Variants in MAP3K2 observed in about 807,000 individuals in gnomAD.
MAP3K2 encodes the protein MAP/ERK kinase kinase 2.
In MAP3K2, 24 loss-of-function variants were observed where a neutral mutation model predicts 80.3. That is an observed-to-expected ratio of 0.30 (90% CI 0.22 to 0.42). The LOEUF (loss-of-function observed/expected upper bound fraction) is 0.42, where lower values mean the gene tolerates loss of function less well. Ranked by LOEUF, MAP3K2 falls within the 10% of genes least tolerant of loss-of-function variation. The pLI is 1.00. For missense variants in MAP3K2, 608 were observed against 750.1 expected, an observed-to-expected ratio of 0.81 and a Z score of 2.21; for synonymous variants, 244 against 253.7, an observed-to-expected ratio of 0.96 and a Z score of 0.36.
At chr2:127,340,944 T>C (rs1176691423) in intron 2 of MAP3K2, among the ~76,000 whole-genome samples, 2 of 152,134 alleles carry the variant, frequency 1.3e-5, no homozygotes, top group Admixed American at 6.6e-5. Flanking sequence ...GGGAGGGCCT[T>C]TGGCTAAAAT....
chr2:127,378,090 TA>T, intron 1 of MAP3K2: 1 of 714,846 alleles, frequency 1.4e-6, no homozygotes, highest in Non-Finnish European at 1.7e-6. Flanking sequence ...AGATTAAACC[TA>T]AGAAGCTTTA....
intron 2 of MAP3K2, among the ~76,000 whole-genome samples, chr2:127,341,824 G>A (rs1251418108): frequency 6.6e-6 from 1 of 152,060 alleles, no homozygotes; most frequent in Non-Finnish European, 1.5e-5. Flanking sequence ...GAGCCACCAC[G>A]CCCGGCCCAA....
At chr2:127,343,254 AG>A in intron 1 of MAP3K2, 60 bp from the exon 2 acceptor site, 1 of 701,188 alleles carries the variant, frequency 1.4e-6, no homozygotes, top group South Asian at 2.1e-5. Context: ...AGCCAGGAAA[AG>A]AAAAAAAAAA....
intron 1 of MAP3K2, among the ~76,000 whole-genome samples, chr2:127,365,116 CAAAAAAAAAAAAAAAAAAAA>C (rs10558890): frequency 8.2e-4 from 26 of 31,656 alleles, no homozygotes; most frequent in South Asian, 2.2e-3. Flanking sequence ...GACTCTGCCT[CAAAAAAAAAAAAAAAAAAAA>C]AAAAAAAAAA....
At chr2:127,388,227 G>T (rs565695398), upstream of MAP3K2, 109 of 985,134 alleles carry the variant, frequency 1.1e-4, no homozygotes, top group South Asian at 4.3e-3. Context: ...GTGCTGTTCC[G>T]TGTGCGCGGC....
intron 16 of MAP3K2, among the ~76,000 whole-genome samples, chr2:127,308,360 C>T (rs530030776): frequency 2.6e-5 from 4 of 152,314 alleles, no homozygotes; most frequent in Non-Finnish European, 5.9e-5. Flanking sequence ...GGTTTGCTCA[C>T]GACAAAATCC....
intron 1 of MAP3K2, among the ~76,000 whole-genome samples, chr2:127,352,439 T>C (rs975175570): frequency 2.6e-5 from 4 of 152,154 alleles, no homozygotes; most frequent in Non-Finnish European, 5.9e-5. Flanking sequence ...CTCTTCTTCC[T>C]TGTTTGGCTA....
chr2:127,325,830 C>A lies in MAP3K2; in HGVS notation c.598-23G>T, dbSNP rs754993299. 4 of 1,558,934 alleles carry A rather than the reference C, an allele frequency of 2.6e-6. No individual in the cohort carries two copies. In the South Asian group the frequency reaches 4.5e-5, roughly 18 times the overall value. On this transcript the variant is annotated intron_variant, in intron 8 of 16. Coordinates refer to ENST00000682094, the MANE Select transcript of MAP3K2 (RefSeq NM_001371910.2). The stretch of plus-strand genomic sequence containing the variant: ...CATCTAGGAAAAAAAGGAGTTCCAC[C>A]ATGATTCAATTTGATATAACCAAAA...
rs1415971886 is a variant in MAP3K2, at chr2:127,317,647, A to G, written c.1308T>C (p.Phe436=). 6.3e-7 allele frequency: 1 copy of G among 1,577,122 alleles called. No individual in the cohort carries two copies. The highest frequency in any genetic ancestry group is 1.2e-5 in the South Asian group (1 of 86,036). ...AACTTACCCCTGGCATATATTCCATAAATATGGAAAGTGTTTTTTCCTGGG... is the reference window on the plus strand; with the variant it reads ...AACTTACCCCTGGCATATATTCCATGAATATGGAAAGTGTTTTTTCCTGGG... ...RDPQEKTLSI[F]MEYMPGGSIK... The change falls in exon 14 of 17, where the codon TTT becomes TTC. Residue 436 remains phenylalanine, a synonymous_variant. Transcript: ENST00000682094.
intron 1 of MAP3K2, among the ~76,000 whole-genome samples, chr2:127,366,126 A>C (rs544892474): frequency 6.6e-6 from 1 of 152,358 alleles, no homozygotes; most frequent in South Asian, 2.1e-4. Flanking sequence ...ATTCCAAAAA[A>C]GTCGTATCTC....
intron 2 of MAP3K2, among the ~76,000 whole-genome samples, chr2:127,341,006 G>T (rs1010204929): frequency 6.6e-6 from 1 of 151,902 alleles, no homozygotes; most frequent in African/African-American, 2.4e-5. Flanking sequence ...GGGAAGCAAG[G>T]GGAGATGGAT....
chr2:127,348,665 G>A lies in MAP3K2; in HGVS notation c.-65-5471C>T, dbSNP rs1362630593. On this transcript the variant is annotated intron_variant, in intron 1 of 16. Coordinates refer to ENST00000682094, the MANE Select transcript of MAP3K2 (RefSeq NM_001371910.2). ...GGAAATGTTCTGGAGTGAGGCAGTG[G>A]TGATGGTTGCACAACTCTGTGAATA... Among the ~76,000 whole-genome samples, 3 of 152,100 alleles carry A rather than the reference G, an allele frequency of 2.0e-5. No homozygotes were observed. The East Asian group carries it at 5.8e-4, about 29-fold the overall frequency.
intron 1 of MAP3K2, among the ~76,000 whole-genome samples, chr2:127,382,697 T>G (rs752051638): frequency 3.9e-5 from 6 of 152,376 alleles, no homozygotes; most frequent in Non-Finnish European, 5.9e-5. Context: ...CACTAATTTT[T>G]GTATTTTTAG....
intron 1 of MAP3K2, among the ~76,000 whole-genome samples, chr2:127,363,284 G>A (rs1686920748): frequency 6.6e-6 from 1 of 152,196 alleles, no homozygotes; most frequent in South Asian, 2.1e-4. Flanking sequence ...TATGCTTACT[G>A]TGTGCCAATA....
At chr2:127,326,592 AGAT>A in intron 8 of MAP3K2, 92 bp downstream of exon 8, 1 of 815,562 alleles carries the variant, frequency 1.2e-6, no homozygotes, top group Non-Finnish European at 1.8e-6. Flanking sequence ...ATTAGAGAAG[AGAT>A]AATACACACA....
At chr2:127,335,807 C>G in intron 5 of MAP3K2, 63 bp downstream of exon 5, 2 of 841,774 alleles carry the variant, frequency 2.4e-6, no homozygotes, top group East Asian at 5.4e-5. Context: ...TAAAAGCAGT[C>G]TCTTAAACGA....
At position 127,387,876 on chromosome 2, in the gene MAP3K2, G is replaced by A. The variant is rs1218995212; in HGVS notation, c.-490C>T. The A allele has an allele frequency of 5.1e-6, 5 of 981,920 alleles. No individual in the cohort carries two copies. In the African/African-American group the frequency reaches 5.3e-5, roughly 10 times the overall value. 60.8% of individuals were successfully genotyped at this position (981,920 alleles called of 1,614,324 possible). A position where few individuals can be genotyped will look rare whatever the true frequency, so the allele number is the denominator to read the frequency against. On this transcript the variant is annotated 5_prime_UTR_variant, in exon 1 of 17. The change creates a new upstream start codon in the 5' untranslated region. Transcript: ENST00000682094. ...GTTGTTTTCGTCGCCGCCGCGGGCC[G>A]TGCAACCCCCGAACGCTGCGCCCAG...
rs1685554744 is a variant in MAP3K2, at chr2:127,299,731, C to A, written c.*7848G>T. On this transcript the variant is annotated 3_prime_UTR_variant, in exon 17 of 17. Coordinates refer to ENST00000682094, the MANE Select transcript of MAP3K2 (RefSeq NM_001371910.2). ...TGACTTGCATTCAATTCTGAAAATACAAATACATTTTGAATGGCTAAAAAC... is the reference window on the plus strand; with the variant it reads ...TGACTTGCATTCAATTCTGAAAATAAAAATACATTTTGAATGGCTAAAAAC... 6.6e-6 allele frequency: 1 copy of A among 151,968 alleles called. No homozygotes were observed. The highest frequency in any genetic ancestry group is 1.5e-5 in the Non-Finnish European group (1 of 67,952). 9.4% of individuals were successfully genotyped at this position (151,968 alleles called of 1,614,324 possible). A position where few individuals can be genotyped will look rare whatever the true frequency, so the allele number is the denominator to read the frequency against.
intron 1 of MAP3K2, among the ~76,000 whole-genome samples, chr2:127,352,870 C>T (rs779896094): frequency 2.8e-4 from 42 of 152,136 alleles, no homozygotes; most frequent in Non-Finnish European, 2.6e-4. Context: ...GACTGGTTTT[C>T]GTATTTTTTT....
Sources: allele counts gnomAD v4.1 joint callset (sites outside exome capture counted in the v4.1 genomes callset), GRCh38; gene constraint gnomAD v4.1.1; transcripts MANE v1.5; gene names NCBI Gene and HGNC (gene_info 2026-07-23, HGNC 2026-07-21).